The following UTRN variants were observed in gnomAD, a reference collection of about 807,000 sequenced individuals.
The protein encoded by UTRN is utrophin.
A neutral mutation model predicts 463.9 loss-of-function variants in UTRN; 283 were observed. That is an observed-to-expected ratio of 0.61 (90% confidence interval 0.55 to 0.67). The LOEUF is 0.67. UTRN is among the 30% of genes least tolerant of loss of function. The pLI is 0.00. For synonymous variants in UTRN, 1,442 were observed against 1,431.5 expected (o/e 1.01, Z -0.17); for missense variants, 3,922 against 4,084.3 (o/e 0.96, Z 1.08).
intron 51 of UTRN, among the ~76,000 whole-genome samples, chr6:144,650,145 A>C (rs1778660637): frequency 6.6e-6 from 1 of 152,220 alleles, no homozygotes; most frequent in Non-Finnish European, 1.5e-5. Context: ...ACTCCCCTTT[A>C]TAAAACCATC....
chr6:144,635,431 G>C (rs1008949105), intron 51 of UTRN, among the ~76,000 whole-genome samples: 2 of 150,612 alleles, frequency 1.3e-5, no homozygotes, highest in East Asian at 3.9e-4. Context: ...AATTAAGGGC[G>C]TGAGCCACCA....
chr6:144,534,473 TG>T (rs1416822576), intron 43 of UTRN, among the ~76,000 whole-genome samples: 3 of 152,216 alleles, frequency 2.0e-5, no homozygotes, highest in Non-Finnish European at 4.4e-5. Context: ...CCTCTGGAAA[TG>T]AGAACTATGA....
intron 49 of UTRN, 150 bp from the exon 50 acceptor site, chr6:144,557,007 C>G: frequency 1.1e-6 from 1 of 934,094 alleles, no homozygotes; most frequent in Non-Finnish European, 1.5e-6. Flanking sequence ...TTTAAGCTTA[C>G]ATATAACAAA....
At chr6:144,600,966 A>G (rs1037820384) in intron 51 of UTRN, among the ~76,000 whole-genome samples, 1 of 152,198 alleles carries the variant, frequency 6.6e-6, no homozygotes, top group African/African-American at 2.4e-5. Flanking sequence ...TGTGAAATCT[A>G]TTCTATCTGT....
At chr6:144,537,437 G>T in intron 43 of UTRN, 145 bp from the exon 44 acceptor site, 1 of 450,186 alleles carries the variant, frequency 2.2e-6, no homozygotes, top group Non-Finnish European at 3.3e-6. Flanking sequence ...TATATACATT[G>T]TTTCACTTAA....
chr6:144,809,914 G>A (rs929744331), intron 65 of UTRN, among the ~76,000 whole-genome samples: 5 of 152,200 alleles, frequency 3.3e-5, no homozygotes, highest in South Asian at 2.1e-4. Flanking sequence ...AAAAGCATAC[G>A]AATTGATTTA....
At chr6:144,332,859 C>G (rs1223115921) in intron 2 of UTRN, among the ~76,000 whole-genome samples, 1 of 151,786 alleles carries the variant, frequency 6.6e-6, no homozygotes, top group East Asian at 1.9e-4. Context: ...TTACTGAAAC[C>G]TTTCAACTTA....
chr6:144,569,732 G>T (rs986266203), intron 50 of UTRN, among the ~76,000 whole-genome samples: 1 of 152,204 alleles, frequency 6.6e-6, no homozygotes, highest in African/African-American at 2.4e-5. Context: ...GAGGAAGGCA[G>T]AAAAGTGTCC....
At chr6:144,844,485 TCTCAAACTCCTGGC>T (rs1057094558) in intron 73 of UTRN, among the ~76,000 whole-genome samples, 1 of 152,140 alleles carries the variant, frequency 6.6e-6, no homozygotes, top group Non-Finnish European at 1.5e-5. Context: ...GCCAGGCTGG[TCTCAAACTCCTGGC>T]CTCAAGTGAC....
rs1216402430 is a variant in UTRN, at chr6:144,777,421, T to A, written c.8632+3057T>A. Among the ~76,000 whole-genome samples the A allele has an allele frequency of 1.1e-4, 16 of 152,210 alleles. 1 individual carries two copies. The highest frequency in any genetic ancestry group is 2.4e-5 in the African/African-American group (1 of 41,462). Reference sequence around the variant, plus strand: ...GTAGTTCAAACCCATGCAAAACTAATGCTATATACACTTTTAAAAACTGAA... The same window carrying A: ...GTAGTTCAAACCCATGCAAAACTAAAGCTATATACACTTTTAAAAACTGAA... On this transcript the variant is annotated intron_variant, in intron 60 of 74. Coordinates refer to ENST00000367545, the MANE Select transcript of UTRN (RefSeq NM_007124.3).
chr6:144,740,638 C>G (rs982913695), intron 54 of UTRN, among the ~76,000 whole-genome samples: 1 of 152,170 alleles, frequency 6.6e-6, no homozygotes. Flanking sequence ...TGATTTTTCA[C>G]AAATTAAAGT....
intron 51 of UTRN, among the ~76,000 whole-genome samples, chr6:144,608,522 C>CTG (rs1436122576): frequency 6.6e-6 from 1 of 152,172 alleles, no homozygotes; most frequent in Non-Finnish European, 1.5e-5. Flanking sequence ...CTGAGAAAAG[C>CTG]TGTGGCTGAA....
At chr6:144,543,403 C>A (rs981006662) in intron 46 of UTRN, among the ~76,000 whole-genome samples, 2 of 152,306 alleles carry the variant, frequency 1.3e-5, no homozygotes, top group East Asian at 3.9e-4. Flanking sequence ...CTATTTCCTT[C>A]TCTCTTTATC....
At chr6:144,414,368 A>G (rs1333545673) in intron 3 of UTRN, among the ~76,000 whole-genome samples, 3 of 152,196 alleles carry the variant, frequency 2.0e-5, no homozygotes, top group African/African-American at 4.8e-5. Flanking sequence ...TTTGAAAACT[A>G]AAAAAATACA....
At chr6:144,393,541 A>G (rs549326599) in intron 2 of UTRN, among the ~76,000 whole-genome samples, 3 of 152,324 alleles carry the variant, frequency 2.0e-5, no homozygotes, top group Admixed American at 2.0e-4. Context: ...GTAGAAAGAG[A>G]CTGACCCACA....
chr6:144,782,559 T>C (rs768006433), intron 61 of UTRN, among the ~76,000 whole-genome samples: 4 of 151,984 alleles, frequency 2.6e-5, no homozygotes, highest in Non-Finnish European at 4.4e-5. Context: ...TGAAGAGTGA[T>C]TTGAATGGCC....
intron 42 of UTRN, among the ~76,000 whole-genome samples, chr6:144,532,136 A>G (rs1797117187): frequency 6.6e-6 from 1 of 151,816 alleles, no homozygotes; most frequent in African/African-American, 2.4e-5. Context: ...TACTGTGTCA[A>G]TAAATAAATA....
chr6:144,595,859 C>T (rs1293148010), intron 51 of UTRN, among the ~76,000 whole-genome samples: 2 of 152,092 alleles, frequency 1.3e-5, no homozygotes, highest in Non-Finnish European at 2.9e-5. Flanking sequence ...AGTGAATAAC[C>T]TGAATTAATG....
In UTRN at chr6:144,438,778, G is replaced by A. The variant is rs1786836144; in HGVS notation, c.1275G>A (p.Lys425=). The change falls in exon 12 of 75, where the codon AAG becomes AAA. Residue 425 remains lysine (K), a synonymous_variant. Coordinates refer to ENST00000367545, the MANE Select transcript of UTRN (RefSeq NM_007124.3). The part of the protein sequence containing the change: ...LHDVLMELQK[K]QLQQLSAWLT... ...ATGTGCTGATGGAACTGCAGAAGAA[G>A]CAACTGCAGCAGCTCTCCGCCTGGT... 2 of 1,614,196 alleles carry A rather than the reference G, an allele frequency of 1.2e-6. No homozygotes were observed. Among genetic ancestry groups the A allele is most frequent in the Non-Finnish European group, 1.7e-6 (2 of 1,180,036 alleles).
Sources: gnomAD v4.1 joint callset for allele counts (sites outside exome capture counted in the v4.1 genomes callset) on GRCh38, gnomAD v4.1.1 for gene constraint, MANE v1.5 for transcripts, NCBI Gene and HGNC (gene_info 2026-07-23, HGNC 2026-07-21) for gene names.